The following HUNK variants were observed in gnomAD, a reference collection of about 807,000 sequenced individuals.
HUNK encodes the protein hormonally up-regulated neu tumor-associated kinase.
In HUNK, 21 loss-of-function variants were observed where a neutral mutation model predicts 61.0. That is an observed-to-expected ratio of 0.34 (90% CI 0.24 to 0.50). The LOEUF (loss-of-function observed/expected upper bound fraction) is 0.50, where lower values mean the gene tolerates loss of function less well. Among genes scored for constraint, HUNK ranks in the 20% least tolerant of loss-of-function variants. The pLI is 0.98. For synonymous variants in HUNK, 371 were observed against 386.1 expected (o/e 0.96, Z 0.46); for missense variants, 772 against 945.7 (o/e 0.82, Z 2.41).
rs181836510 is a variant in HUNK, at chr21:31,971,142, A to C, written c.1010+2757A>C. Among the ~76,000 whole-genome samples, 462 of 152,118 alleles carry C rather than the reference A, an allele frequency of 3.0e-3. 4 individuals carry two copies. Among genetic ancestry groups the C allele is most frequent in the African/African-American group, 0.011 (441 of 41,490 alleles). ...CGCCCAGGCTGGAGTGCAGTGGTGC[A>C]ATCTCGGCTCACTGCAACCTCCGCC... On this transcript the variant is annotated intron_variant, in intron 6 of 10. Coordinates refer to ENST00000270112, the MANE Select transcript of HUNK (RefSeq NM_014586.2).
In HUNK at chr21:31,924,813, C is replaced by A. The variant is rs2052649213; in HGVS notation, c.554+53C>A. 2.7e-6 allele frequency: 4 copies of A among 1,496,280 alleles called. No homozygotes were observed. In the Admixed American group the frequency reaches 8.2e-5, roughly 31 times the overall value. The allele number at this position is 1,496,280 out of a possible 1,614,324, so 92.7% of individuals were successfully genotyped here. On this transcript the variant is annotated intron_variant, in intron 2 of 10. Transcript: ENST00000270112. This position sits in a 1 kb window ranked among gnomAD's most constrained non-coding sequence, Gnocchi z 5.1. Reference sequence around the variant, plus strand: ...CTGACTGTGTGCTCCGTGGGTGGCACTGGGCTGTGGCACCCTCTGAGCCTC... The same window carrying A: ...CTGACTGTGTGCTCCGTGGGTGGCAATGGGCTGTGGCACCCTCTGAGCCTC...
rs200418900 is a variant in HUNK at position 31,947,389 on chromosome 21, C to G, written c.746+1218C>G. The stretch of plus-strand genomic sequence containing the variant: ...TCAAGCCAGTGGCGCCTGCGCATTC[C>G]CACATCCCATTCTCAAGCCAATGGC... On this transcript the variant is annotated intron_variant, in intron 4 of 10. Transcript: ENST00000270112. 1.1e-4 allele frequency among the ~76,000 whole-genome samples: 17 copies of G among 152,312 alleles called. No individual in the cohort carries two copies. The East Asian group carries it at 3.3e-3, about 30-fold the overall frequency.
intron 1 of HUNK, among the ~76,000 whole-genome samples, chr21:31,915,249 A>G (rs2123809546): frequency 1.3e-5 from 2 of 152,258 alleles, no homozygotes; most frequent in East Asian, 3.9e-4. Flanking sequence ...GAACCCTGGC[A>G]GGTATATTTT....
chr21:31,955,812 C>T (rs1441449302), intron 4 of HUNK, among the ~76,000 whole-genome samples: 1 of 152,208 alleles, frequency 6.6e-6, no homozygotes, highest in African/African-American at 2.4e-5. Flanking sequence ...TTATGAAGCA[C>T]TTACTGCGGA....
chr21:31,892,224 G>A (rs1195444896), intron 1 of HUNK, among the ~76,000 whole-genome samples: 1 of 149,366 alleles, frequency 6.7e-6, no homozygotes, highest in Admixed American at 6.7e-5. Context: ...GTGTGTGTGT[G>A]TGTGTGTACA....
chr21:31,931,800 T>C (rs2052698369), intron 2 of HUNK, among the ~76,000 whole-genome samples: 1 of 152,164 alleles, frequency 6.6e-6, no homozygotes, highest in South Asian at 2.1e-4. Flanking sequence ...CCTGAGTTCC[T>C]GCCCCTCAGC....
At chr21:31,903,405 ATTAG>A (rs2052482430) in intron 1 of HUNK, among the ~76,000 whole-genome samples, 3 of 152,056 alleles carry the variant, frequency 2.0e-5, no homozygotes, top group Admixed American at 2.0e-4. Flanking sequence ...ATATTGTTTC[ATTAG>A]TTACTTTTTA....
intron 2 of HUNK, among the ~76,000 whole-genome samples, chr21:31,926,160 C>T (rs556082848): frequency 5.3e-5 from 8 of 152,236 alleles, no homozygotes; most frequent in East Asian, 3.9e-4. Flanking sequence ...TCAGGTGATC[C>T]GCCCTCCTCG....
intron 3 of HUNK, among the ~76,000 whole-genome samples, chr21:31,941,990 T>A (rs918257488): frequency 6.6e-5 from 10 of 152,148 alleles, no homozygotes; most frequent in African/African-American, 1.9e-4. Context: ...GGAGGGTGGA[T>A]CACAAGGTCA....
chr21:31,921,942 A>G (rs2052625160), intron 1 of HUNK, among the ~76,000 whole-genome samples: 1 of 152,234 alleles, frequency 6.6e-6, no homozygotes. Context: ...GGTCAAGCTC[A>G]TGGACATGTC....
At chr21:31,949,157 C>T (rs2052831365) in intron 4 of HUNK, among the ~76,000 whole-genome samples, 1 of 152,246 alleles carries the variant, frequency 6.6e-6, no homozygotes, top group Non-Finnish European at 1.5e-5. Flanking sequence ...CTCCCAGTTA[C>T]TTTGCAGGTG....
chr21:31,929,739 G>C (rs145314584), intron 2 of HUNK, among the ~76,000 whole-genome samples: 81 of 152,334 alleles, frequency 5.3e-4, no homozygotes, highest in African/African-American at 1.9e-3. Context: ...GCCTGAGCTC[G>C]GATGTGTGTC....
chr21:31,883,985 A>G (rs957229670), intron 1 of HUNK, among the ~76,000 whole-genome samples: 5 of 152,140 alleles, frequency 3.3e-5, no homozygotes, highest in African/African-American at 1.2e-4. Context: ...GACCCTTACC[A>G]TGCCTGGATT....
At chr21:31,909,214 C>T (rs931043568) in intron 1 of HUNK, among the ~76,000 whole-genome samples, 7 of 152,204 alleles carry the variant, frequency 4.6e-5, no homozygotes, top group Admixed American at 3.3e-4. Context: ...CAAGCCCCAC[C>T]GTTGTCTGTA....
chr21:31,891,331 T>G (rs1269484892), intron 1 of HUNK, among the ~76,000 whole-genome samples: 2 of 152,202 alleles, frequency 1.3e-5, no homozygotes, highest in Non-Finnish European at 2.9e-5. Context: ...GAGTGGAGAT[T>G]GCGCCACTGC....
At chr21:31,947,215 AGCC>A (rs1295177964) in intron 4 of HUNK, among the ~76,000 whole-genome samples, 15 of 150,370 alleles carry the variant, frequency 1.0e-4, no homozygotes, top group African/African-American at 2.2e-4. Flanking sequence ...CCCAGTCTCA[AGCC>A]AGTGGCGCCT....
At chr21:31,927,005 C>G (rs907934616) in intron 2 of HUNK, among the ~76,000 whole-genome samples, 1 of 140,278 alleles carries the variant, frequency 7.1e-6, no homozygotes, top group Non-Finnish European at 1.6e-5. Flanking sequence ...TTCTCTCTCT[C>G]TCTTTCTTTT....
At chr21:31,904,957 A>C (rs557789825) in intron 1 of HUNK, among the ~76,000 whole-genome samples, 1 of 152,148 alleles carries the variant, frequency 6.6e-6, no homozygotes, top group African/African-American at 2.4e-5. Context: ...GCACACCTGT[A>C]ATCCCAGCTA....
intron 4 of HUNK, among the ~76,000 whole-genome samples, chr21:31,947,148 C>T (rs1046545868): frequency 1.3e-5 from 2 of 150,148 alleles, no homozygotes; most frequent in African/African-American, 4.9e-5. Flanking sequence ...AAGCCATTGG[C>T]GCCTGCGCAT....
Sources: gnomAD v4.1 joint callset for allele counts (sites outside exome capture counted in the v4.1 genomes callset) on GRCh38, gnomAD v4.1.1 for gene constraint, Gnocchi (gnomAD v3.1) non-coding constraint, MANE v1.5 for transcripts, NCBI Gene and HGNC (gene_info 2026-07-23, HGNC 2026-07-21) for gene names.